Variants in PITPNC1 observed in about 807,000 individuals in gnomAD.
The protein encoded by PITPNC1 is phosphatidylinositol transfer protein cytoplasmic 1, also known as cytoplasmic phosphatidylinositol transfer protein 1.
In PITPNC1, 18 loss-of-function variants were observed where a neutral mutation model predicts 44.7. The ratio of observed to expected loss-of-function variants is 0.40; its 90% confidence interval spans 0.28 to 0.60. PITPNC1 has a LOEUF of 0.60. Among genes scored for constraint, PITPNC1 ranks in the 20% least tolerant of loss-of-function variants. PITPNC1 has a pLI of 0.39. For missense variants in PITPNC1, 290 were observed against 418.4 expected, an observed-to-expected ratio of 0.69 and a Z score of 2.68; for synonymous variants, 141 against 149.6, an observed-to-expected ratio of 0.94 and a Z score of 0.42.
intron 5 of PITPNC1, among the ~76,000 whole-genome samples, chr17:67,618,842 G>A (rs567363809): frequency 4.6e-5 from 7 of 152,154 alleles, no homozygotes; most frequent in African/African-American, 9.6e-5. Context: ...GCAGGATCAC[G>A]AGGTTAGGAG....
intron 7 of PITPNC1, 140 bp from the exon 8 acceptor site, chr17:67,675,339 G>A: frequency 3.0e-6 from 2 of 667,220 alleles, no homozygotes; most frequent in Non-Finnish European, 5.4e-6. Context: ...CCTATAGGCA[G>A]CCTGTAATTG....
intron 6 of PITPNC1, among the ~76,000 whole-genome samples, chr17:67,639,608 G>A (rs1416679455): frequency 6.6e-6 from 1 of 152,234 alleles, no homozygotes; most frequent in Non-Finnish European, 1.5e-5. Flanking sequence ...TTTTCAGACA[G>A]AATTTGATTT....
At chr17:67,526,091 G>A (rs1006410858) in intron 1 of PITPNC1, among the ~76,000 whole-genome samples, 2 of 152,196 alleles carry the variant, frequency 1.3e-5, no homozygotes, top group Non-Finnish European at 2.9e-5. Context: ...GGTTCCCGCT[G>A]TTCACATTGT....
rs2041474421 is a variant in PITPNC1 at position 67,597,444 on chromosome 17, C to T, written c.366+19187C>T. On this transcript the variant is annotated intron_variant, in intron 5 of 8. Coordinates refer to ENST00000581322, the MANE Select transcript of PITPNC1 (RefSeq NM_012417.4). The surrounding 1 kb of genome is among the most constrained non-coding windows in gnomAD (Gnocchi z 4.0). ...TGGCACACACCTGTAATCACAGCTA[C>T]TCAGGAGGCTGAGGCAGGAGAATCA... 6.6e-6 allele frequency among the ~76,000 whole-genome samples: 1 copy of T among 152,094 alleles called. No homozygotes were observed. The highest frequency in any genetic ancestry group is 2.4e-5 in the African/African-American group (1 of 41,402).
At chr17:67,464,379 C>T (rs1382250433) in intron 1 of PITPNC1, among the ~76,000 whole-genome samples, 1 of 152,112 alleles carries the variant, frequency 6.6e-6, no homozygotes, top group Non-Finnish European at 1.5e-5. Flanking sequence ...ATGGCTTTCT[C>T]AGAACGTCCT....
intron 6 of PITPNC1, among the ~76,000 whole-genome samples, chr17:67,636,521 G>A (rs934518213): frequency 3.3e-5 from 5 of 152,190 alleles, no homozygotes; most frequent in African/African-American, 9.6e-5. Flanking sequence ...ACCTCCCAGG[G>A]GATCTGCTGG....
chr17:67,472,882 A>T (rs998470962), intron 1 of PITPNC1, among the ~76,000 whole-genome samples: 8 of 144,590 alleles, frequency 5.5e-5, no homozygotes, highest in South Asian at 2.2e-4. Flanking sequence ...TTAATGTGGT[A>T]TTTTTTTTTT....
chr17:67,456,786 A>C (rs1309105491), intron 1 of PITPNC1, among the ~76,000 whole-genome samples: 1 of 152,040 alleles, frequency 6.6e-6, no homozygotes, highest in Non-Finnish European at 1.5e-5. Context: ...GTACTCTTTT[A>C]TGTACACATT....
chr17:67,459,096 C>CTT (rs1343813975), intron 1 of PITPNC1, among the ~76,000 whole-genome samples: 2 of 122,222 alleles, frequency 1.6e-5, no homozygotes, highest in African/African-American at 6.1e-5. Flanking sequence ...CTCTTTGGGG[C>CTT]TTTTTTTTTT....
chr17:67,430,358 T>C (rs12150174), intron 1 of PITPNC1, among the ~76,000 whole-genome samples: 27,468 of 151,206 alleles, frequency 0.18, 2,772 homozygotes, highest in Middle Eastern at 0.32. Context: ...CACAAAAAAA[T>C]TAGTCTATAA....
intron 6 of PITPNC1, among the ~76,000 whole-genome samples, chr17:67,649,534 C>G (rs2042186916): frequency 1.3e-5 from 2 of 152,164 alleles, no homozygotes; most frequent in African/African-American, 4.8e-5. Flanking sequence ...CAATTAGACA[C>G]TGTCTATCTG....
intron 5 of PITPNC1, among the ~76,000 whole-genome samples, chr17:67,620,069 T>C (rs2041810677): frequency 6.6e-6 from 1 of 152,188 alleles, no homozygotes; most frequent in African/African-American, 2.4e-5. Context: ...GTTGTTGTTT[T>C]TTGAGACAGG....
intron 1 of PITPNC1, among the ~76,000 whole-genome samples, chr17:67,443,099 G>A (rs909587878): frequency 1.3e-5 from 2 of 151,916 alleles, no homozygotes; most frequent in African/African-American, 4.8e-5. Flanking sequence ...CAGCCCCCTC[G>A]GTTTGGCGTT....
intron 1 of PITPNC1, among the ~76,000 whole-genome samples, chr17:67,478,993 G>A (rs2039668012): frequency 6.6e-6 from 1 of 151,982 alleles, no homozygotes; most frequent in Non-Finnish European, 1.5e-5. Context: ...AGTGGAGAGG[G>A]CAGGCCAGGT....
intron 6 of PITPNC1, among the ~76,000 whole-genome samples, chr17:67,654,634 G>A (rs1361629131): frequency 6.6e-6 from 1 of 152,068 alleles, no homozygotes; most frequent in East Asian, 1.9e-4. Context: ...CCGCAAGGAA[G>A]TTTTTTGATT....
At chr17:67,672,674 C>T (rs1460501405) in intron 7 of PITPNC1, among the ~76,000 whole-genome samples, 2 of 152,012 alleles carry the variant, frequency 1.3e-5, no homozygotes, top group African/African-American at 4.8e-5. Context: ...CACTGTGTTT[C>T]TTTTCTCACA....
chr17:67,452,178 G>T (rs1370660253), intron 1 of PITPNC1, among the ~76,000 whole-genome samples: 1 of 151,562 alleles, frequency 6.6e-6, no homozygotes, highest in African/African-American at 2.4e-5. Flanking sequence ...GCTAATTTTT[G>T]TATTTTTGTT....
intron 1 of PITPNC1, among the ~76,000 whole-genome samples, chr17:67,435,896 A>G (rs2038931308): frequency 6.6e-6 from 1 of 152,192 alleles, no homozygotes; most frequent in Admixed American, 6.5e-5. Context: ...AGCTAGTGAT[A>G]AGTGGTATAA....
chr17:67,391,688 C>T (rs1461428324), intron 1 of PITPNC1, among the ~76,000 whole-genome samples: 2 of 152,028 alleles, frequency 1.3e-5, no homozygotes, highest in East Asian at 3.8e-4. Context: ...ACCAGGTTGG[C>T]CAGGCTGGTC....
Sources: allele counts gnomAD v4.1 joint callset (sites outside exome capture counted in the v4.1 genomes callset), GRCh38; gene constraint gnomAD v4.1.1; non-coding constraint Gnocchi (gnomAD v3.1); transcripts MANE v1.5; gene names NCBI Gene and HGNC (gene_info 2026-07-23, HGNC 2026-07-21).